KIF6: variants seen among roughly 807,000 people sequenced by gnomAD.
The protein encoded by KIF6 is kinesin-like protein KIF6.
KIF6 carries 106 observed loss-of-function variants against 112.7 expected under a neutral mutation model. The ratio of observed to expected loss-of-function variants is 0.94; its 90% CI spans 0.80 to 1.11. The LOEUF is 1.11. Ranked by LOEUF, KIF6 falls within the 50% of genes least tolerant of loss-of-function variation. KIF6 has a pLI of 0.00. For missense variants in KIF6, 929 were observed against 964.0 expected, an observed-to-expected ratio of 0.96 and a Z score of 0.48; for synonymous variants, 339 against 339.9, an observed-to-expected ratio of 1.00 and a Z score of 0.03.
At chr6:39,676,008 T>C (rs527997071) in intron 3 of KIF6, among the ~76,000 whole-genome samples, 7 of 151,348 alleles carry the variant, frequency 4.6e-5, no homozygotes, top group Admixed American at 2.0e-4. Context: ...AAAATGTATG[T>C]TTAATATGAG....
At chr6:39,416,722 G>C (rs905650068) in intron 15 of KIF6, among the ~76,000 whole-genome samples, 7 of 152,192 alleles carry the variant, frequency 4.6e-5, no homozygotes, top group African/African-American at 1.2e-4. Context: ...AGCCTTTAGG[G>C]AGTTTTGAGA....
At chr6:39,393,572 T>G (rs928199368) in intron 15 of KIF6, among the ~76,000 whole-genome samples, 1 of 152,144 alleles carries the variant, frequency 6.6e-6, no homozygotes, top group African/African-American at 2.4e-5. Flanking sequence ...AAATAAAATA[T>G]TTAAGTAAAA....
chr6:39,570,117 G>A, intron 10 of KIF6, among the ~76,000 whole-genome samples: 1 of 152,224 alleles, frequency 6.6e-6, no homozygotes, highest in South Asian at 2.1e-4. Flanking sequence ...TATGTGTTTG[G>A]ATTTAAACTA....
intron 10 of KIF6, among the ~76,000 whole-genome samples, chr6:39,571,304 C>T (rs540447847): frequency 4.9e-4 from 74 of 152,250 alleles, no homozygotes; most frequent in African/African-American, 1.8e-3. Context: ...ATCCTCACTC[C>T]CAAACTGATT....
At chr6:39,517,284 C>T (rs1181665111) in intron 13 of KIF6, among the ~76,000 whole-genome samples, 1 of 152,170 alleles carries the variant, frequency 6.6e-6, no homozygotes, top group Admixed American at 6.6e-5. Flanking sequence ...CCCCCAGCTC[C>T]CACCATAAGG....
At chr6:39,467,806 C>T (rs1014235278) in intron 13 of KIF6, among the ~76,000 whole-genome samples, 3 of 152,046 alleles carry the variant, frequency 2.0e-5, no homozygotes. Context: ...ATAGAAACTG[C>T]CTATGAAAGG....
intron 10 of KIF6, chr6:39,554,338 G>C (rs563503692): frequency 4.0e-4 from 62 of 155,326 alleles, no homozygotes; most frequent in South Asian, 1.1e-3. Flanking sequence ...GTGGGCAACA[G>C]TAAGAGATTC....
intron 3 of KIF6, among the ~76,000 whole-genome samples, chr6:39,705,398 T>C (rs1789144940): frequency 6.6e-6 from 1 of 152,170 alleles, no homozygotes; most frequent in Non-Finnish European, 1.5e-5. Context: ...GTCCAAAAAG[T>C]ACTTCAGGAA....
chr6:39,704,287 G>A (rs1183798491), intron 3 of KIF6, among the ~76,000 whole-genome samples: 1 of 152,124 alleles, frequency 6.6e-6, no homozygotes, highest in Non-Finnish European at 1.5e-5. Context: ...GGCAAATGAG[G>A]TAGATATTAC....
intron 13 of KIF6, among the ~76,000 whole-genome samples, chr6:39,448,034 C>A (rs1452534743): frequency 6.6e-6 from 1 of 152,136 alleles, no homozygotes; most frequent in Non-Finnish European, 1.5e-5. Context: ...AGCCCCTTTG[C>A]GATTCTTCAT....
At chr6:39,434,859 A>G (rs1467791074) in intron 13 of KIF6, among the ~76,000 whole-genome samples, 1 of 152,168 alleles carries the variant, frequency 6.6e-6, no homozygotes, top group Non-Finnish European at 1.5e-5. Flanking sequence ...GTGGATTACA[A>G]AGGCAACCTG....
rs557990541 is a variant in KIF6, at chr6:39,496,195, C to T, written c.1645+43808G>A. On this transcript the variant is annotated intron_variant, in intron 13 of 22. Transcript: ENST00000287152. ...TTTGGCTCCAGTGCCCACTATCTAC[C>T]GACAGAGATCTACCTAAAGTCCCTC... Among the ~76,000 whole-genome samples, 8 of 152,260 alleles carry T rather than the reference C, an allele frequency of 5.3e-5. No individual in the cohort carries two copies. The East Asian group carries it at 9.7e-4, about 18-fold the overall frequency.
chr6:39,681,180 T>C (rs995416565), intron 3 of KIF6, among the ~76,000 whole-genome samples: 2 of 152,210 alleles, frequency 1.3e-5, no homozygotes, highest in Admixed American at 1.3e-4. Flanking sequence ...ATTTTGATGA[T>C]CCGATTTGAA....
At chr6:39,413,812 C>T (rs529295870) in intron 15 of KIF6, among the ~76,000 whole-genome samples, 25 of 152,170 alleles carry the variant, frequency 1.6e-4, no homozygotes, top group Non-Finnish European at 3.4e-4. Flanking sequence ...TCTATTCTTA[C>T]AGTCAAACAT....
At chr6:39,702,927 G>A (rs1253694221) in intron 3 of KIF6, among the ~76,000 whole-genome samples, 1 of 152,078 alleles carries the variant, frequency 6.6e-6, no homozygotes, top group Non-Finnish European at 1.5e-5. Flanking sequence ...GAGCATGGGA[G>A]TTGGATGCAG....
At chr6:39,581,812 G>A (rs1179165850) in intron 9 of KIF6, among the ~76,000 whole-genome samples, 1 of 152,052 alleles carries the variant, frequency 6.6e-6, no homozygotes, top group African/African-American at 2.4e-5. Context: ...GACAACTGCA[G>A]CCTCAGCTTA....
intron 16 of KIF6, among the ~76,000 whole-genome samples, chr6:39,374,123 G>C (rs1766244297): frequency 6.6e-6 from 1 of 152,106 alleles, no homozygotes; most frequent in African/African-American, 2.4e-5. Flanking sequence ...TCATACATGG[G>C]GAAACAACAG....
intron 13 of KIF6, among the ~76,000 whole-genome samples, chr6:39,497,097 T>C (rs1248680089): frequency 6.6e-6 from 1 of 152,236 alleles, no homozygotes; most frequent in East Asian, 1.9e-4. Flanking sequence ...TGGACTCCAC[T>C]AAAAGTGGAA....
At chr6:39,560,732 T>C (rs986884333) in intron 10 of KIF6, among the ~76,000 whole-genome samples, 8 of 152,240 alleles carry the variant, frequency 5.3e-5, no homozygotes, top group African/African-American at 1.9e-4. Flanking sequence ...CTGTCATTAA[T>C]ACATCTTTGC....
Sources: allele counts gnomAD v4.1 joint callset (sites outside exome capture counted in the v4.1 genomes callset), GRCh38; gene constraint gnomAD v4.1.1; transcripts MANE v1.5; gene names NCBI Gene and HGNC (gene_info 2026-07-23, HGNC 2026-07-21).